Variants in ATP8B4 observed in about 807,000 individuals in gnomAD.
The protein encoded by ATP8B4 is ATPase phospholipid transporting 8B4 (putative).
A neutral mutation model predicts 145.6 loss-of-function variants in ATP8B4; 133 were observed. The ratio of observed to expected loss-of-function variants is 0.91; its 90% CI spans 0.79 to 1.05. The LOEUF (loss-of-function observed/expected upper bound fraction) is 1.05, where lower values mean the gene tolerates loss of function less well. Among genes scored for constraint, ATP8B4 ranks in the 50% least tolerant of loss-of-function variants. The pLI is 0.00. For missense variants in ATP8B4, 1,458 were observed against 1,425.2 expected, an observed-to-expected ratio of 1.02 and a Z score of -0.37; for synonymous variants, 507 against 492.9, an observed-to-expected ratio of 1.03 and a Z score of -0.38.
chr15:49,938,880 C>CA (rs1483398191), intron 14 of ATP8B4, among the ~76,000 whole-genome samples: 1 of 151,918 alleles, frequency 6.6e-6, no homozygotes, highest in African/African-American at 2.4e-5. Context: ...TCAACAAAGT[C>CA]AAAAAAATCA....
chr15:49,881,548 T>C (rs1340105945), intron 23 of ATP8B4, among the ~76,000 whole-genome samples: 8 of 152,144 alleles, frequency 5.3e-5, no homozygotes, highest in South Asian at 2.1e-4. Flanking sequence ...TGAAGGATAA[T>C]GCACTCAATG....
At chr15:49,940,149 G>A (rs1250882980) in intron 14 of ATP8B4, among the ~76,000 whole-genome samples, 1 of 152,060 alleles carries the variant, frequency 6.6e-6, no homozygotes, top group Non-Finnish European at 1.5e-5. Context: ...ATCAACCCAG[G>A]TGCCATCAAC....
chr15:49,966,670 A>T (rs972616868), intron 13 of ATP8B4, among the ~76,000 whole-genome samples: 3 of 152,094 alleles, frequency 2.0e-5, no homozygotes, highest in African/African-American at 7.2e-5. Context: ...CACCTGGGGG[A>T]AGGGGTGGCT....
intron 15 of ATP8B4, among the ~76,000 whole-genome samples, chr15:49,931,763 T>C (rs1275586089): frequency 6.6e-6 from 1 of 152,002 alleles, no homozygotes; most frequent in African/African-American, 2.4e-5. Flanking sequence ...AGAGGTTACA[T>C]GAGTTTGATG....
intron 10 of ATP8B4, among the ~76,000 whole-genome samples, chr15:49,985,573 A>G (rs1159705091): frequency 1.3e-5 from 2 of 152,208 alleles, no homozygotes; most frequent in Non-Finnish European, 2.9e-5. Context: ...TGACCAGACT[A>G]AAGTCAATGC....
chr15:49,941,923 G>C lies in ATP8B4; in HGVS notation c.1288-7741C>G, dbSNP rs1016258768. The stretch of plus-strand genomic sequence containing the variant: ...ATGAGGTTGGAGCCCACTCTTCCAA[G>C]TGAAATAACTAAGAAATGGAAAACC... On this transcript the variant is annotated intron_variant, in intron 14 of 27. Transcript: ENST00000284509. Among the ~76,000 whole-genome samples, 9 of 152,176 alleles carry C rather than the reference G, an allele frequency of 5.9e-5. No individual in the cohort carries two copies. In the East Asian group the frequency reaches 1.7e-3, roughly 29 times the overall value.
chr15:49,864,318 T>TA (rs2153375163), intron 26 of ATP8B4, among the ~76,000 whole-genome samples: 1 of 152,340 alleles, frequency 6.6e-6, no homozygotes, highest in South Asian at 2.1e-4. Context: ...ACTAACCTTA[T>TA]AATCCTATTT....
rs113316511 is a variant in ATP8B4 at position 50,056,090 on chromosome 15, C to CTCA, written c.88-8629_88-8627dup. On this transcript the variant is annotated intron_variant, in intron 3 of 27. Coordinates refer to ENST00000284509, the MANE Select transcript of ATP8B4 (RefSeq NM_024837.4). ...AGTGTGTCAATCAATACTGACTACA[C>CTCA]TCATCATCACCACCACCACCACCAC... Among the ~76,000 whole-genome samples, 859 of 152,244 alleles carry CTCA rather than the reference C, an allele frequency of 5.6e-3. 20 individuals carry two copies. The highest frequency in any genetic ancestry group is 0.02 in the African/African-American group (813 of 41,528).
intron 3 of ATP8B4, among the ~76,000 whole-genome samples, chr15:50,068,021 C>G (rs893798536): frequency 1.3e-5 from 2 of 152,038 alleles, no homozygotes; most frequent in African/African-American, 4.8e-5. Flanking sequence ...TGAAATTTTC[C>G]TGTTAAGCCA....
intron 1 of ATP8B4, among the ~76,000 whole-genome samples, chr15:50,172,154 CTCCCG>C (rs2044683608): frequency 6.6e-6 from 1 of 152,224 alleles, no homozygotes; most frequent in African/African-American, 2.4e-5. Flanking sequence ...CTCCCTCCCA[CTCCCG>C]CTCCCTCTTT....
chr15:50,167,291 CA>C (rs1204655618), intron 1 of ATP8B4, among the ~76,000 whole-genome samples: 3 of 152,164 alleles, frequency 2.0e-5, no homozygotes, highest in African/African-American at 7.2e-5. Context: ...TTCTGGAGGA[CA>C]AAAGTCCAAA....
chr15:49,927,002 T>C (rs2040784205), intron 16 of ATP8B4, among the ~76,000 whole-genome samples: 2 of 152,182 alleles, frequency 1.3e-5, no homozygotes, highest in Admixed American at 6.5e-5. Context: ...AAGAAGCTTC[T>C]TGTAATTTCT....
At chr15:50,128,646 T>G (rs1236139408) in intron 1 of ATP8B4, among the ~76,000 whole-genome samples, 1 of 150,594 alleles carries the variant, frequency 6.6e-6, no homozygotes, top group African/African-American at 2.5e-5. Flanking sequence ...ATCAAAAGCT[T>G]ATTTGAACTG....
At chr15:50,144,897 T>C (rs555806843) in intron 1 of ATP8B4, among the ~76,000 whole-genome samples, 1 of 151,912 alleles carries the variant, frequency 6.6e-6, no homozygotes, top group South Asian at 2.1e-4. Context: ...ATCAGATCAC[T>C]CCTGCCCTCT....
chr15:50,023,779 C>CAAAAAA (rs60030651), intron 6 of ATP8B4, among the ~76,000 whole-genome samples: 7 of 75,058 alleles, frequency 9.3e-5, no homozygotes, highest in Non-Finnish European at 7.6e-5. Flanking sequence ...AGACCAAAGG[C>CAAAAAA]AAAAAAAAAA....
chr15:49,979,580 T>C (rs752919549), intron 12 of ATP8B4, 37 bp downstream of exon 12: 15 of 1,368,526 alleles, frequency 1.1e-5, no homozygotes, highest in East Asian at 9.4e-5. Context: ...AAGGTTTTGA[T>C]GAAATTATTT....
intron 6 of ATP8B4, among the ~76,000 whole-genome samples, chr15:50,035,004 T>A (rs1286216291): frequency 1.3e-5 from 2 of 152,212 alleles, no homozygotes; most frequent in East Asian, 3.8e-4. Flanking sequence ...GAAGGAATCA[T>A]GCCACCGCTA....
Position 49,934,146 on chromosome 15 carries a change from CT to C in ATP8B4, c.1323del (p.Ala442ArgfsTer12). 1 of 1,611,992 alleles carries C rather than the reference CT, an allele frequency of 6.2e-7. No individual in the cohort carries two copies. Among genetic ancestry groups the C allele is most frequent in the South Asian group, 1.1e-5 (1 of 90,820 alleles). On this transcript the variant is annotated frameshift_variant, in exon 15 of 28. Coordinates refer to ENST00000284509, the MANE Select transcript of ATP8B4 (RefSeq NM_024837.4). LOFTEE classifies it high-confidence loss of function. ...TCAAAGAACTGAAATTCTCTATCCG[CT>C]TGAGATTTGACTGAGAAATCCACAG... ...KEPVDFSVKS[Q>X]ADREFQFFDH...
chr15:49,945,521 T>G (rs2042491818), intron 14 of ATP8B4, among the ~76,000 whole-genome samples: 1 of 152,184 alleles, frequency 6.6e-6, no homozygotes, highest in Admixed American at 6.5e-5. Flanking sequence ...AAGGCCAGTA[T>G]TATTCTGACA....
Sources: allele counts gnomAD v4.1 joint callset (sites outside exome capture counted in the v4.1 genomes callset), GRCh38; gene constraint gnomAD v4.1.1; transcripts MANE v1.5; gene names NCBI Gene and HGNC (gene_info 2026-07-23, HGNC 2026-07-21).